DPP6: variants seen among roughly 807,000 people sequenced by gnomAD.
DPP6 encodes A-type potassium channel modulatory protein DPP6.
Under a neutral mutation model 122.6 loss-of-function variants are expected in DPP6, and 69 were observed. The ratio of observed to expected loss-of-function variants is 0.56; its 90% CI spans 0.46 to 0.69. DPP6 has a LOEUF of 0.69. DPP6 is among the 30% of genes least tolerant of loss of function. The pLI is 0.00. For missense variants in DPP6, 928 were observed against 1,116.9 expected (o/e 0.83, Z 2.41); for synonymous variants, 418 against 433.1 (o/e 0.97, Z 0.43).
chr7:154,479,864 A>T (rs1823101074), intron 3 of DPP6, among the ~76,000 whole-genome samples: 1 of 151,908 alleles, frequency 6.6e-6, no homozygotes, highest in African/African-American at 2.4e-5. Context: ...AGATGATGAT[A>T]ATTGCAAATC....
intron 1 of DPP6, among the ~76,000 whole-genome samples, chr7:153,975,327 C>T (rs1796241070): frequency 6.6e-6 from 1 of 150,936 alleles, no homozygotes; most frequent in Non-Finnish European, 1.5e-5. Flanking sequence ...TCGTTAGAAA[C>T]AGGACCCCCC....
intron 2 of DPP6, among the ~76,000 whole-genome samples, chr7:154,473,910 A>C (rs1441575172): frequency 6.6e-6 from 1 of 152,226 alleles, no homozygotes; most frequent in East Asian, 1.9e-4. Context: ...GCAGCACAAC[A>C]GGAAACTGTT....
At chr7:154,344,631 A>T (rs1810236259) in intron 1 of DPP6, among the ~76,000 whole-genome samples, 2 of 152,190 alleles carry the variant, frequency 1.3e-5, no homozygotes, top group South Asian at 4.1e-4. Flanking sequence ...GATCCAGTTA[A>T]AACCCCAGCT....
At chr7:153,820,635 G>A in the DPP6 span, among the ~76,000 whole-genome samples, 5 of 152,042 alleles carry the variant, frequency 3.3e-5, no homozygotes, top group Admixed American at 2.0e-4. Flanking sequence ...TAGCTAGAAC[G>A]TAGTCACATA....
intron 5 of DPP6, among the ~76,000 whole-genome samples, chr7:154,583,532 TA>T (rs1832224288): frequency 6.6e-6 from 1 of 152,106 alleles, no homozygotes; most frequent in African/African-American, 2.4e-5. Context: ...CTGGGCAACT[TA>T]ACCTACTACG....
chr7:153,920,482 GAATGGGTTGTAGA>G (rs568648874), intron 1 of DPP6, among the ~76,000 whole-genome samples: 1 of 151,378 alleles, frequency 6.6e-6, no homozygotes, highest in Non-Finnish European at 1.5e-5. Context: ...TACTGTTCCA[GAATGGGTTGTAGA>G]ACTCCCAGCT....
intron 16 of DPP6, among the ~76,000 whole-genome samples, chr7:154,831,898 T>A (rs1464911): frequency 1.3e-5 from 2 of 152,070 alleles, no homozygotes; most frequent in South Asian, 4.1e-4. Context: ...AGCTGCTAGC[T>A]TGAGATTCTG....
chr7:154,007,360 G>A (rs1415923132), intron 1 of DPP6, among the ~76,000 whole-genome samples: 1 of 152,092 alleles, frequency 6.6e-6, no homozygotes, highest in African/African-American at 2.4e-5. Context: ...TGTTGTTCTT[G>A]AAAAATCACC....
At position 154,130,908 on chromosome 7, in the gene DPP6, G is replaced by A. The variant is rs151269693; in HGVS notation, c.243+77845G>A. ...CATGGAAAATGCCTCAGCCAGACAT[G>A]TCCAGGTCCTTCAGAAACACATTGC... On this transcript the variant is annotated intron_variant, in intron 1 of 25. Coordinates refer to ENST00000377770, the MANE Select transcript of DPP6 (RefSeq NM_130797.4). Among the ~76,000 whole-genome samples the A allele has an allele frequency of 9.4e-3, 1,436 of 152,252 alleles. 26 individuals are homozygous for A. The highest frequency in any genetic ancestry group is 0.032 in the African/African-American group (1,336 of 41,498).
chr7:154,861,902 A>AGTCTT (rs1803434621), intron 17 of DPP6, among the ~76,000 whole-genome samples: 1 of 152,176 alleles, frequency 6.6e-6, no homozygotes, highest in South Asian at 2.1e-4. Context: ...GAGAGAGAGG[A>AGTCTT]GTCTTGTTAT....
rs1025072372 is a variant in DPP6 at position 154,446,374 on chromosome 7, G to A, written c.358+46G>A. Reference sequence around the variant, plus strand: ...AAAGCAAGTCGCTGTCAGAGAGAAAGAGCATAATTTTACCTTGCAATTTTT... The same window carrying A: ...AAAGCAAGTCGCTGTCAGAGAGAAAAAGCATAATTTTACCTTGCAATTTTT... On this transcript the variant is annotated intron_variant, in intron 2 of 25. Transcript: ENST00000377770. The A allele has an allele frequency of 2.0e-6, 3 of 1,492,660 alleles. No individual in the cohort carries two copies. In the Admixed American group the frequency reaches 5.9e-5, roughly 29 times the overall value. 92.5% of individuals were successfully genotyped at this position (1,492,660 alleles called of 1,614,324 possible). A position where few individuals can be genotyped will look rare whatever the true frequency, so the allele number is the denominator to read the frequency against.
At chr7:154,056,767 G>C (rs1800856512) in intron 1 of DPP6, among the ~76,000 whole-genome samples, 1 of 152,134 alleles carries the variant, frequency 6.6e-6, no homozygotes, top group South Asian at 2.1e-4. Flanking sequence ...TTTTTCATTG[G>C]TATAATGTCA....
chr7:154,428,842 C>T (rs914928344), intron 1 of DPP6, among the ~76,000 whole-genome samples: 1 of 151,982 alleles, frequency 6.6e-6, no homozygotes, highest in South Asian at 2.1e-4. Context: ...TTTGGAGACT[C>T]GCAAGTGGGG....
At chr7:153,815,011 G>A in the DPP6 span, among the ~76,000 whole-genome samples, 1 of 152,170 alleles carries the variant, frequency 6.6e-6, no homozygotes, top group African/African-American at 2.4e-5. Flanking sequence ...CATACTGAAT[G>A]GACAAAAACT....
intron 3 of DPP6, among the ~76,000 whole-genome samples, chr7:154,520,615 A>C (rs894628854): frequency 6.6e-6 from 1 of 152,216 alleles, no homozygotes; most frequent in Non-Finnish European, 1.5e-5. Flanking sequence ...AGTCTTTGCT[A>C]GTAGGAGGTG....
chr7:153,992,631 A>T (rs570812268), intron 1 of DPP6, among the ~76,000 whole-genome samples: 1 of 152,226 alleles, frequency 6.6e-6, no homozygotes, highest in Non-Finnish European at 1.5e-5. Context: ...GCCCAGGCCT[A>T]ATCATGTCAA....
At chr7:154,296,004 G>A (rs549413063) in intron 1 of DPP6, among the ~76,000 whole-genome samples, 89 of 149,008 alleles carry the variant, frequency 6.0e-4, no homozygotes, top group African/African-American at 2.1e-3. Context: ...GAGTGCAGTG[G>A]TGCTATCTCG....
chr7:154,405,897 C>T (rs538866937), intron 1 of DPP6, among the ~76,000 whole-genome samples: 1 of 152,194 alleles, frequency 6.6e-6, no homozygotes, highest in South Asian at 2.1e-4. Context: ...TTTATGTGTA[C>T]AAAAGCATGC....
chr7:154,018,096 G>A (rs977224824), intron 1 of DPP6, among the ~76,000 whole-genome samples: 12 of 152,008 alleles, frequency 7.9e-5, no homozygotes, highest in African/African-American at 2.7e-4. Flanking sequence ...ATATGTGGTA[G>A]CCACAGCAGG....
Sources: gnomAD v4.1 joint callset for allele counts (sites outside exome capture counted in the v4.1 genomes callset) on GRCh38, gnomAD v4.1.1 for gene constraint, MANE v1.5 for transcripts, NCBI Gene and HGNC (gene_info 2026-07-23, HGNC 2026-07-21) for gene names.